Variants in ABCA13 observed in about 807,000 individuals in gnomAD.
The protein encoded by ABCA13 is ATP binding cassette subfamily A member 13, also known as ATP-binding cassette sub-family A member 13.
Under a neutral mutation model 478.7 loss-of-function variants are expected in ABCA13, and 476 were observed. The observed-to-expected ratio is 0.99, with a 90% confidence interval of 0.92 to 1.07. The LOEUF (loss-of-function observed/expected upper bound fraction) is 1.07. ABCA13 is among the 50% of genes least tolerant of loss of function. The probability of loss-of-function intolerance (pLI) is 0.00; values close to 1 mark genes in which losing one functional copy is unlikely to be tolerated. For missense variants in ABCA13, 6,060 were observed against 5,910.6 expected, an observed-to-expected ratio of 1.03 and a Z score of -0.83; for synonymous variants, 2,252 against 2,158.9, an observed-to-expected ratio of 1.04 and a Z score of -1.20.
chr7:48,268,234 G>A (rs1472596431), intron 15 of ABCA13, among the ~76,000 whole-genome samples: 1 of 152,052 alleles, frequency 6.6e-6, no homozygotes, highest in Admixed American at 6.5e-5. Context: ...TTGGCTCACT[G>A]CAATCTCCCC....
chr7:48,295,583 T>C, intron 20 of ABCA13, 117 bp from the exon 21 acceptor site: 1 of 1,333,226 alleles, frequency 7.5e-7, no homozygotes, highest in Admixed American at 2.0e-5. Context: ...TACTCTGCAA[T>C]GCACAGAAGC....
rs767654042 is a variant in ABCA13, at chr7:48,511,176, G to A, written c.13617G>A (p.Thr4539=). The A allele has an allele frequency of 1.9e-5, 31 of 1,612,822 alleles. No individual in the cohort carries two copies. Among genetic ancestry groups the A allele is most frequent in the Middle Eastern group, 1.6e-4 (1 of 6,076 alleles). ...CTTTCCGCAAGAACTTGGCAGCCAC[G>A]GCCCTCCTGCTGTCACTTTTCGGGT... ...AFTFRKNLAA[T]ALLLSLFGYA... The change falls in exon 51 of 62, where the codon ACG becomes ACA. Residue 4539 remains threonine, a synonymous_variant. Transcript: ENST00000435803.
At chr7:48,410,727 G>A (rs1451742674) in intron 40 of ABCA13, 50 bp downstream of exon 40, 4 of 1,573,938 alleles carry the variant, frequency 2.5e-6, no homozygotes, top group African/African-American at 1.4e-5. Flanking sequence ...TCTGTCTGTG[G>A]CATAAGAAAC....
intron 22 of ABCA13, among the ~76,000 whole-genome samples, chr7:48,297,783 TTTC>T (rs1409020995): frequency 0.011 from 1,540 of 136,778 alleles, 19 homozygotes; most frequent in African/African-American, 0.045. Context: ...TCTTTCTTTC[TTTC>T]TTTTTTTTTT....
intron 2 of ABCA13, 36 bp downstream of exon 2, chr7:48,193,088 C>A (rs1056820419): frequency 2.1e-6 from 3 of 1,441,238 alleles, no homozygotes; most frequent in South Asian, 2.6e-5. Flanking sequence ...TTTGAATTAA[C>A]CTTTGGAGAA....
intron 35 of ABCA13, among the ~76,000 whole-genome samples, chr7:48,378,122 G>A (rs932817596): frequency 2.0e-5 from 3 of 152,188 alleles, no homozygotes; most frequent in African/African-American, 7.2e-5. Flanking sequence ...AAAAGAGACT[G>A]AGCCTTGAGG....
intron 58 of ABCA13, among the ~76,000 whole-genome samples, chr7:48,600,547 T>A (rs1790781835): frequency 6.6e-6 from 1 of 152,166 alleles, no homozygotes; most frequent in African/African-American, 2.4e-5. Context: ...GTATACTGTA[T>A]TTAATGTTTT....
intron 37 of ABCA13, among the ~76,000 whole-genome samples, chr7:48,389,630 C>A (rs981381729): frequency 1.3e-5 from 2 of 152,134 alleles, no homozygotes; most frequent in Admixed American, 6.5e-5. Context: ...ATTTTTTAAA[C>A]ACCTGATTAT....
At chr7:48,432,727 G>A (rs1015429554) in intron 42 of ABCA13, among the ~76,000 whole-genome samples, 1 of 152,202 alleles carries the variant, frequency 6.6e-6, no homozygotes, top group South Asian at 2.1e-4. Context: ...GAACAGAAAG[G>A]CAAATGCTAC....
intron 19 of ABCA13, among the ~76,000 whole-genome samples, chr7:48,287,601 A>T (rs1453376222): frequency 6.6e-6 from 1 of 152,178 alleles, no homozygotes; most frequent in Non-Finnish European, 1.5e-5. Context: ...TTTGAGAATG[A>T]CAGAGGGCAC....
chr7:48,446,823 A>G (rs1464124638), intron 42 of ABCA13, among the ~76,000 whole-genome samples: 1 of 152,234 alleles, frequency 6.6e-6, no homozygotes, highest in East Asian at 1.9e-4. Flanking sequence ...GCTGCTGCCA[A>G]TTATGCAGGC....
At chr7:48,433,476 T>C (rs7357239) in intron 42 of ABCA13, among the ~76,000 whole-genome samples, 44,345 of 148,668 alleles carry the variant, frequency 0.3, 6,718 homozygotes, top group East Asian at 0.38. Context: ...TTTATATACA[T>C]ATATATTTAT....
chr7:48,403,498 A>G (rs770831197), intron 38 of ABCA13, among the ~76,000 whole-genome samples, 185 bp from the exon 39 acceptor site: 1 of 152,248 alleles, frequency 6.6e-6, no homozygotes, highest in Non-Finnish European at 1.5e-5. Flanking sequence ...GCGTGGTTCC[A>G]TCTGAACCTG....
At position 48,274,981 on chromosome 7, in the gene ABCA13, T is replaced by C. The variant is rs1796105274; in HGVS notation, c.5315T>C (p.Val1772Ala). Residue 1772 changes from valine to alanine, a missense_variant, in exon 17 of 62, where the codon GTC (valine) becomes GCC (alanine). Transcript: ENST00000435803. The part of the protein sequence containing the change: ...GKNITEGLKD[V>A]YSFTLLHGIT... ...AACATCACTGAAGGCCTCAAGGATG[T>C]CTACAGCTTCACACTCCTTCATGGC... 1.2e-6 allele frequency: 2 copies of C among 1,613,958 alleles called. No individual in the cohort carries two copies. The highest frequency in any genetic ancestry group is 3.3e-5 in the Admixed American group (2 of 60,014).
At chr7:48,530,980 C>G (rs750520538) in intron 55 of ABCA13, among the ~76,000 whole-genome samples, 3 of 152,134 alleles carry the variant, frequency 2.0e-5, no homozygotes, top group Non-Finnish European at 4.4e-5. Context: ...TGTGCAGAAG[C>G]TTTTTAGCTT....
chr7:48,609,853 A>G (rs773524515), intron 58 of ABCA13, among the ~76,000 whole-genome samples: 9 of 152,204 alleles, frequency 5.9e-5, no homozygotes, highest in Admixed American at 2.0e-4. Flanking sequence ...CTATCACAAG[A>G]ATAGCAACAG....
intron 39 of ABCA13, among the ~76,000 whole-genome samples, chr7:48,409,428 A>C (rs1407997687): frequency 6.6e-6 from 1 of 152,194 alleles, no homozygotes; most frequent in Non-Finnish European, 1.5e-5. Context: ...GGTTTCTGCC[A>C]AAGGAAGCCA....
chr7:48,603,522 G>A (rs1791133271), intron 58 of ABCA13, among the ~76,000 whole-genome samples: 1 of 152,074 alleles, frequency 6.6e-6, no homozygotes, highest in South Asian at 2.1e-4. Flanking sequence ...TTTATGTGAT[G>A]GATTATGTTT....
At chr7:48,397,511 A>G (rs1002030232) in intron 38 of ABCA13, among the ~76,000 whole-genome samples, 3 of 152,160 alleles carry the variant, frequency 2.0e-5, no homozygotes, top group African/African-American at 7.2e-5. Context: ...GGCACATATT[A>G]CCCAGGGGTC....
Sources: gnomAD v4.1 joint callset for allele counts (sites outside exome capture counted in the v4.1 genomes callset) on GRCh38, gnomAD v4.1.1 for gene constraint, MANE v1.5 for transcripts, NCBI Gene and HGNC (gene_info 2026-07-23, HGNC 2026-07-21) for gene names.